Variants in GC observed in about 807,000 individuals in gnomAD.
GC encodes the protein vitamin D-binding protein.
In GC, 43 loss-of-function variants were observed where a neutral mutation model predicts 56.7. That is an observed-to-expected ratio of 0.76 (90% CI 0.59 to 0.98). The LOEUF (loss-of-function observed/expected upper bound fraction) is 0.98. Among genes scored for constraint, GC ranks in the 50% least tolerant of loss-of-function variants. GC has a pLI of 0.00. For synonymous variants in GC, 216 were observed against 202.7 expected (o/e 1.07, Z -0.56); for missense variants, 529 against 545.9 (o/e 0.97, Z 0.31).
chr4:71,746,213 T>C lies in GC; in HGVS notation c.1396-8A>G, dbSNP rs778802715. The C allele has an allele frequency of 2.2e-5, 27 of 1,249,202 alleles. No individual in the cohort carries two copies. The highest frequency in any genetic ancestry group is 2.7e-5 in the Non-Finnish European group (23 of 853,696). 77.4% of individuals were successfully genotyped at this position (1,249,202 alleles called of 1,614,324 possible). ...CTTCAATTCAGCATCAATCTGATAA[T>C]GAAAAAAGAATGTTATATAACTTAT... On this transcript the variant is annotated splice_polypyrimidine_tract_variant and splice_region_variant and intron_variant, in intron 11 of 12. Coordinates refer to ENST00000273951, the MANE Select transcript of GC (RefSeq NM_000583.4).
upstream of GC, among the ~76,000 whole-genome samples, chr4:71,787,789 G>A (rs538907793): frequency 6.6e-6 from 1 of 151,958 alleles, no homozygotes; most frequent in Admixed American, 6.6e-5. Context: ...GCTGAGGGGG[G>A]AAGAGTGAGA....
intron 1 of GC, among the ~76,000 whole-genome samples, chr4:71,773,583 G>A (rs1742408874): frequency 6.6e-6 from 1 of 151,994 alleles, no homozygotes; most frequent in Non-Finnish European, 1.5e-5. Flanking sequence ...ATACTGCTTT[G>A]TTACAAAGTT....
intron 8 of GC, among the ~76,000 whole-genome samples, chr4:71,756,245 A>G (rs1741765348): frequency 1.3e-5 from 2 of 152,204 alleles, no homozygotes; most frequent in Non-Finnish European, 2.9e-5. Flanking sequence ...AATATTATAA[A>G]CATTTCTGGT....
chr4:71,801,944 A>G (rs1208029303), intron 1 of GC, among the ~76,000 whole-genome samples: 1 of 151,256 alleles, frequency 6.6e-6, no homozygotes, highest in East Asian at 1.9e-4. Context: ...CTTAGATTAA[A>G]AATTAGTATT....
chr4:71,744,267 C>G (rs1180941016), intron 12 of GC, among the ~76,000 whole-genome samples: 1 of 148,808 alleles, frequency 6.7e-6, no homozygotes. Flanking sequence ...ACAGTGAAAC[C>G]CCATCTCTAC....
chr4:71,775,365 C>T (rs925533690), intron 1 of GC, among the ~76,000 whole-genome samples: 6 of 151,838 alleles, frequency 4.0e-5, no homozygotes, highest in African/African-American at 1.4e-4. Flanking sequence ...AAGTATCATT[C>T]AACAAGGGCT....
In GC at chr4:71,757,868, C is replaced by G. The variant is rs374762101; in HGVS notation, c.831+174G>C. ...TAACAAATTATTGACCCTTACTAAT[C>G]TTCTGTTTTCTCACCTGTACAGTGA... On this transcript the variant is annotated intron_variant, in intron 7 of 12. Transcript: ENST00000273951. Among the ~76,000 whole-genome samples, 20 of 152,134 alleles carry G rather than the reference C, an allele frequency of 1.3e-4. 1 individual carries two copies. The highest frequency in any genetic ancestry group is 9.8e-4 in the Admixed American group (15 of 15,268).
At chr4:71,800,775 G>C (rs1045212992) in intron 1 of GC, among the ~76,000 whole-genome samples, 12 of 152,118 alleles carry the variant, frequency 7.9e-5, no homozygotes, top group African/African-American at 2.9e-4. Flanking sequence ...ATTGCCATCC[G>C]ACTGGCATGT....
intron 1 of GC, chr4:71,803,790 AT>A (rs1393819607): frequency 1.4e-5 from 9 of 660,806 alleles, no homozygotes; most frequent in Admixed American, 2.3e-5. Flanking sequence ...ACTTTCTTAT[AT>A]TTTTAATTTT....
At chr4:71,799,153 T>A (rs1743186328) in intron 1 of GC, among the ~76,000 whole-genome samples, 1 of 152,168 alleles carries the variant, frequency 6.6e-6, no homozygotes, top group East Asian at 1.9e-4. Flanking sequence ...ATTTCAAGTC[T>A]CTGGAAGTGG....
At chr4:71,775,611 T>C (rs1183306191) in intron 1 of GC, among the ~76,000 whole-genome samples, 2 of 151,790 alleles carry the variant, frequency 1.3e-5, no homozygotes, top group Non-Finnish European at 2.9e-5. Flanking sequence ...TTTTTGGACA[T>C]GACGCTGAAA....
At chr4:71,754,692 G>T (rs541898001) in intron 9 of GC, among the ~76,000 whole-genome samples, 184 bp from the exon 10 acceptor site, 2 of 152,296 alleles carry the variant, frequency 1.3e-5, no homozygotes, top group East Asian at 3.9e-4. Context: ...ACTCAACTCT[G>T]TACAGAAGCA....
intron 1 of GC, among the ~76,000 whole-genome samples, chr4:71,796,744 G>A (rs1380687165): frequency 1.3e-5 from 2 of 152,158 alleles, no homozygotes; most frequent in African/African-American, 2.4e-5. Context: ...GAGAAGAGGT[G>A]CTCTGGTTTT....
chr4:71,769,671 A>T (rs1742284257), intron 1 of GC: 1 of 334,138 alleles, frequency 3.0e-6, no homozygotes, highest in South Asian at 3.8e-5. Flanking sequence ...GATACATGTC[A>T]ACTAGTGAGT....
chr4:71,749,969 A>C (rs1741493790), intron 11 of GC, among the ~76,000 whole-genome samples: 1 of 152,200 alleles, frequency 6.6e-6, no homozygotes. Flanking sequence ...ATAAGGAAGA[A>C]ATTAGAAAAA....
At chr4:71,786,480 A>G (rs921259687), upstream of GC, among the ~76,000 whole-genome samples, 2 of 151,842 alleles carry the variant, frequency 1.3e-5, no homozygotes, top group African/African-American at 4.8e-5. Flanking sequence ...CACTGAATAT[A>G]TATATTTAAC....
At chr4:71,787,986 C>T (rs1463685317), upstream of GC, among the ~76,000 whole-genome samples, 1 of 151,822 alleles carries the variant, frequency 6.6e-6, no homozygotes, top group African/African-American at 2.4e-5. Context: ...CTGAGTCCAC[C>T]TCCTCTGTGC....
In GC at chr4:71,769,312, G is replaced by A. The variant is rs1384964507; in HGVS notation, c.128+19C>T. Reference sequence around the variant, plus strand: ...CAAGATCAAATCACCAACAGAGTGAGTGGCTGCTGCACACTTACAGAGATG... The same window carrying A: ...CAAGATCAAATCACCAACAGAGTGAATGGCTGCTGCACACTTACAGAGATG... On this transcript the variant is annotated intron_variant, in intron 2 of 12. Coordinates refer to ENST00000273951, the MANE Select transcript of GC (RefSeq NM_000583.4). The A allele has an allele frequency of 2.2e-5, 35 of 1,563,992 alleles. No individual in the cohort carries two copies. The highest frequency in any genetic ancestry group is 2.9e-5 in the Non-Finnish European group (33 of 1,135,110).
chr4:71,765,793 A>G lies in GC; in HGVS notation c.262-150T>C, dbSNP rs965413425. ...AAGGGCTCCATGAAGTGATTTTTTA[A>G]CATGACAAGTTGTGTGATTATCGGC... On this transcript the variant is annotated intron_variant, in intron 3 of 12. Transcript: ENST00000273951. The G allele has an allele frequency of 3.9e-5, 24 of 611,234 alleles. No homozygotes were observed. The East Asian group carries it at 6.1e-4, about 16-fold the overall frequency. The allele number at this position is 611,234 out of a possible 1,614,324, so 37.9% of individuals were successfully genotyped here.
Sources: gnomAD v4.1 joint callset for allele counts (sites outside exome capture counted in the v4.1 genomes callset) on GRCh38, gnomAD v4.1.1 for gene constraint, MANE v1.5 for transcripts, NCBI Gene and HGNC (gene_info 2026-07-23, HGNC 2026-07-21) for gene names.